Variants in CCBE1 observed in about 807,000 individuals in gnomAD.
CCBE1 encodes the protein collagen and calcium-binding EGF domain-containing protein 1.
CCBE1 carries 37 observed loss-of-function variants against 50.0 expected under a neutral mutation model. The observed-to-expected ratio is 0.74, with a 90% confidence interval of 0.57 to 0.97. CCBE1 has a LOEUF of 0.97. CCBE1 is among the 50% of genes least tolerant of loss of function. The probability of loss-of-function intolerance (pLI) is 0.00; values close to 1 mark genes in which losing one functional copy is unlikely to be tolerated. For synonymous variants in CCBE1, 234 were observed against 203.7 expected (o/e 1.15, Z -1.27); for missense variants, 538 against 523.8 (o/e 1.03, Z -0.26).
intron 2 of CCBE1, among the ~76,000 whole-genome samples, chr18:59,582,625 A>T (rs2053102321): frequency 6.6e-6 from 1 of 152,164 alleles, no homozygotes; most frequent in Admixed American, 6.5e-5. Flanking sequence ...TGAGCCTGAC[A>T]GCAGCAAGAT....
rs555825779 is a variant in CCBE1 at position 59,659,573 on chromosome 18, T to G, written c.212+37056A>C. On this transcript the variant is annotated intron_variant, in intron 2 of 10. Coordinates refer to ENST00000439986, the MANE Select transcript of CCBE1 (RefSeq NM_133459.4). Reference sequence around the variant, plus strand: ...GAAAGAACAACATCACGAAACAAAATCCATCACATCTTCAAAGCTATCGAA... The same window carrying G: ...GAAAGAACAACATCACGAAACAAAAGCCATCACATCTTCAAAGCTATCGAA... Among the ~76,000 whole-genome samples, 10 of 152,186 alleles carry G rather than the reference T, an allele frequency of 6.6e-5. No individual in the cohort carries two copies. In the South Asian group the frequency reaches 2.1e-3, roughly 32 times the overall value.
intron 2 of CCBE1, among the ~76,000 whole-genome samples, chr18:59,508,549 A>T (rs11152154): frequency 0.062 from 9,463 of 151,976 alleles, 839 homozygotes; most frequent in East Asian, 0.33. Context: ...GTGTACTGAG[A>T]TTACACCACT....
intron 4 of CCBE1, 100 bp downstream of exon 4, chr18:59,469,373 C>G: frequency 6.7e-7 from 1 of 1,492,630 alleles, no homozygotes; most frequent in Non-Finnish European, 9.3e-7. Context: ...AAACACAACT[C>G]CATCCAACAA....
intron 2 of CCBE1, among the ~76,000 whole-genome samples, chr18:59,541,559 G>T (rs1189124368): frequency 2.0e-5 from 3 of 152,154 alleles, no homozygotes; most frequent in Non-Finnish European, 2.9e-5. Flanking sequence ...CAGAAAAGGG[G>T]GGTATAGTTC....
intron 5 of CCBE1, among the ~76,000 whole-genome samples, chr18:59,462,793 G>A (rs1209491696): frequency 1.3e-5 from 2 of 152,164 alleles, no homozygotes; most frequent in Non-Finnish European, 2.9e-5. Context: ...CCTGAACACA[G>A]GACCTTAAGA....
intron 2 of CCBE1, among the ~76,000 whole-genome samples, chr18:59,677,950 T>C (rs1344486117): frequency 1.3e-5 from 2 of 152,208 alleles, no homozygotes; most frequent in African/African-American, 4.8e-5. Flanking sequence ...AATCCTAGTA[T>C]ACACAACCGG....
intron 2 of CCBE1, among the ~76,000 whole-genome samples, chr18:59,484,314 G>A (rs1176634676): frequency 1.3e-5 from 2 of 152,160 alleles, no homozygotes; most frequent in Non-Finnish European, 1.5e-5. Context: ...AAAAACCCAC[G>A]TGTTTTTGAT....
intron 5 of CCBE1, among the ~76,000 whole-genome samples, chr18:59,460,706 C>A (rs572711432): frequency 6.6e-6 from 1 of 152,242 alleles, no homozygotes; most frequent in Non-Finnish European, 1.5e-5. Context: ...TCAAGGCAGG[C>A]AGATCGCCTG....
intron 2 of CCBE1, 160 bp downstream of exon 2, chr18:59,696,469 A>C: frequency 6.7e-7 from 1 of 1,499,312 alleles, no homozygotes; most frequent in Non-Finnish European, 8.9e-7. Flanking sequence ...CGATCCAACC[A>C]ACCCTCAAAG....
At position 59,697,110 on chromosome 18, in the gene CCBE1, G is replaced by A; in HGVS notation, c.131+102C>T. ...TATCCCCGGAGAAGTGAGGGCGTGC[G>A]GATCGCTGTGGGAGTGGGCGCCGGG... On this transcript the variant is annotated intron_variant, in intron 1 of 10. Coordinates refer to ENST00000439986, the MANE Select transcript of CCBE1 (RefSeq NM_133459.4). 2.7e-6 allele frequency: 4 copies of A among 1,464,006 alleles called. No homozygotes were observed. The South Asian group carries it at 5.0e-5, about 18-fold the overall frequency. The allele number at this position is 1,464,006 out of a possible 1,614,324, so 90.7% of individuals were successfully genotyped here.
chr18:59,464,554 T>G (rs974625063), intron 5 of CCBE1, among the ~76,000 whole-genome samples: 2 of 152,258 alleles, frequency 1.3e-5, no homozygotes, highest in Non-Finnish European at 2.9e-5. Context: ...ACATGCCACA[T>G]GCTTCAGGCT....
intron 3 of CCBE1, among the ~76,000 whole-genome samples, chr18:59,473,205 T>G (rs8090589): frequency 6.6e-6 from 1 of 152,036 alleles, no homozygotes; most frequent in Non-Finnish European, 1.5e-5. Flanking sequence ...GTCTAAAATA[T>G]ACTTTATCAA....
At chr18:59,581,565 C>T (rs1258532884) in intron 2 of CCBE1, among the ~76,000 whole-genome samples, 2 of 152,156 alleles carry the variant, frequency 1.3e-5, no homozygotes, top group Non-Finnish European at 2.9e-5. Context: ...ACATTCTCAT[C>T]TTCCAATGCT....
At chr18:59,690,835 C>T (rs763338540) in intron 2 of CCBE1, among the ~76,000 whole-genome samples, 6 of 152,258 alleles carry the variant, frequency 3.9e-5, no homozygotes, top group Non-Finnish European at 7.3e-5. Flanking sequence ...TGATCCTCTA[C>T]TCCAAAGCCA....
intron 7 of CCBE1, among the ~76,000 whole-genome samples, chr18:59,446,266 A>G (rs1050810894): frequency 6.6e-6 from 1 of 152,212 alleles, no homozygotes; most frequent in Non-Finnish European, 1.5e-5. Flanking sequence ...AAGACAGCCA[A>G]TGACTCCCCT....
chr18:59,580,298 G>A lies in CCBE1; in HGVS notation c.213-100060C>T, dbSNP rs73961265. Among the ~76,000 whole-genome samples, 1,226 of 152,236 alleles carry A rather than the reference G, an allele frequency of 8.1e-3. 23 individuals carry two copies. Among genetic ancestry groups the A allele is most frequent in the African/African-American group, 0.028 (1,152 of 41,532 alleles). On this transcript the variant is annotated intron_variant, in intron 2 of 10. Coordinates refer to ENST00000439986, the MANE Select transcript of CCBE1 (RefSeq NM_133459.4). Reference sequence around the variant, plus strand: ...CTCTTATCTACCTAATAACCTGGAAGCCCCCTCCCTGCTTCAAGTTGTCCC... The same window carrying A: ...CTCTTATCTACCTAATAACCTGGAAACCCCCTCCCTGCTTCAAGTTGTCCC...
intron 6 of CCBE1, among the ~76,000 whole-genome samples, chr18:59,448,508 T>C (rs1210887590): frequency 6.6e-6 from 1 of 152,160 alleles, no homozygotes; most frequent in Non-Finnish European, 1.5e-5. Context: ...GACCAAGACA[T>C]GGTTCCTGCC....
At chr18:59,552,349 G>GT (rs1157142700) in intron 2 of CCBE1, among the ~76,000 whole-genome samples, 1 of 152,174 alleles carries the variant, frequency 6.6e-6, no homozygotes, top group Non-Finnish European at 1.5e-5. Flanking sequence ...GTATTATGAA[G>GT]TAACACACGT....
In CCBE1 at chr18:59,630,292, TA is replaced by T. The variant is rs1200803927; in HGVS notation, c.212+66336del. Among the ~76,000 whole-genome samples, 36 of 152,092 alleles carry T rather than the reference TA, an allele frequency of 2.4e-4. 1 individual carries two copies. The highest frequency in any genetic ancestry group is 1.7e-3 in the Admixed American group (26 of 15,290). ...TGGGCAAAAAAAAAAAAAAGTCATTTAATCTTCCTTCATAAACAGCTCTTTT... is the reference window on the plus strand; with the variant it reads ...TGGGCAAAAAAAAAAAAAAGTCATTTATCTTCCTTCATAAACAGCTCTTTT... On this transcript the variant is annotated intron_variant, in intron 2 of 10. Coordinates refer to ENST00000439986, the MANE Select transcript of CCBE1 (RefSeq NM_133459.4).
Sources: allele counts gnomAD v4.1 joint callset (sites outside exome capture counted in the v4.1 genomes callset), GRCh38; gene constraint gnomAD v4.1.1; transcripts MANE v1.5; gene names NCBI Gene and HGNC (gene_info 2026-07-23, HGNC 2026-07-21).